The following GSG1 variants were observed in gnomAD, a reference collection of about 807,000 sequenced individuals.
GSG1 encodes germ cell-specific gene 1 protein.
In GSG1, 28 loss-of-function variants were observed where a neutral mutation model predicts 30.8. That is an observed-to-expected ratio of 0.91 (90% CI 0.67 to 1.25). GSG1 has a LOEUF of 1.25. Ranked by LOEUF, GSG1 falls within the 50% of genes most tolerant of loss-of-function variation. The pLI, the probability that GSG1 is intolerant of heterozygous loss-of-function variation, is 0.00. For missense variants in GSG1, 435 were observed against 444.7 expected, an observed-to-expected ratio of 0.98 and a Z score of 0.20; for synonymous variants, 162 against 178.0, an observed-to-expected ratio of 0.91 and a Z score of 0.71.
rs959845685 is a variant in GSG1 at position 13,101,779 on chromosome 12, G to A, written c.48+1686C>T. Reference sequence around the variant, plus strand: ...TCCCAGGCTCCCGTTCTAAGGGAAGGGGATGTCTGCGTCTCATTGGGAAGA... The same window carrying A: ...TCCCAGGCTCCCGTTCTAAGGGAAGAGGATGTCTGCGTCTCATTGGGAAGA... On this transcript the variant is annotated intron_variant, in intron 1 of 6. Transcript: ENST00000651961. The surrounding 1 kb of genome is among the most constrained non-coding windows in gnomAD (Gnocchi z 5.8). 6.6e-6 allele frequency among the ~76,000 whole-genome samples: 1 copy of A among 152,228 alleles called. No homozygotes were observed. Among genetic ancestry groups the A allele is most frequent in the Non-Finnish European group, 1.5e-5 (1 of 68,038 alleles).
chr12:13,099,944 G>A (rs1164388644), intron 1 of GSG1, among the ~76,000 whole-genome samples: 3 of 152,090 alleles, frequency 2.0e-5, no homozygotes, highest in Non-Finnish European at 2.9e-5. Flanking sequence ...GGCTATCGCC[G>A]GTCTGATGAC....
At position 13,088,049 on chromosome 12, in the gene GSG1, C is replaced by T; in HGVS notation, c.492G>A (p.Trp164Ter). Reference protein sequence around the residue: ...LTPPAKREILWLSLGTQITYI... With the variant: ...LTPPAKREIL ...AGGTGATCTGCGTTCCCAGGGATAA[C>T]CATAGGATTTCTGCCAGAAACCAGA... The change falls in exon 5 of 7, where the codon TGG becomes TGA. Residue 164 changes from tryptophan to a stop codon, truncating the protein, a stop_gained. Transcript: ENST00000651961. LOFTEE classifies it high-confidence loss of function. The T allele has an allele frequency of 2.5e-6, 4 of 1,614,158 alleles. No homozygotes were observed. Among genetic ancestry groups the T allele is most frequent in the East Asian group, 2.2e-5 (1 of 44,886 alleles).
At chr12:13,099,017 A>T (rs1160746014) in intron 1 of GSG1, among the ~76,000 whole-genome samples, 3 of 152,144 alleles carry the variant, frequency 2.0e-5, no homozygotes, top group African/African-American at 7.2e-5. Context: ...AAATTATATT[A>T]TTTTAGGCCT....
At chr12:13,099,750 G>GTTTTGTTTTTT (rs1863022060) in intron 1 of GSG1, among the ~76,000 whole-genome samples, 3 of 114,832 alleles carry the variant, frequency 2.6e-5, no homozygotes, top group Non-Finnish European at 5.4e-5. Flanking sequence ...GTTTTTTTTT[G>GTTTTGTTTTTT]TTTTTTTTTT....
At position 13,090,544 on chromosome 12, in the gene GSG1, C is replaced by T; in HGVS notation, c.323G>A (p.Ser108Asn). The change falls in exon 2 of 7, where the codon AGT becomes AAT. Residue 108 changes from serine to asparagine, a missense_variant. Coordinates refer to ENST00000651961, the MANE Select transcript of GSG1 (RefSeq NM_001080555.4). ...TTCCTCACAGGATAGCCACATGCCA[C>T]TCCGGAAGCTCCGGAAGGAGAACCG... Reference protein sequence around the residue: ...DDRFSFRSFRSGMWLSCEETV... With the variant: ...DDRFSFRSFRNGMWLSCEETV... 6.2e-7 allele frequency: 1 copy of T among 1,614,128 alleles called. No homozygotes were observed. The highest frequency in any genetic ancestry group is 1.1e-5 in the South Asian group (1 of 91,072).
chr12:13,086,793 C>T (rs1865565179), intron 6 of GSG1, among the ~76,000 whole-genome samples: 1 of 151,892 alleles, frequency 6.6e-6, no homozygotes, highest in East Asian at 1.9e-4. Flanking sequence ...TCTCTAATAC[C>T]TTGAATCATA....
chr12:13,095,912 G>A, intron 1 of GSG1: 2 of 759,436 alleles, frequency 2.6e-6, no homozygotes, highest in South Asian at 4.3e-5. Context: ...ATTTGCAGAG[G>A]AAATTTTCTT....
At chr12:13,096,367 G>C (rs946476311) in intron 1 of GSG1, among the ~76,000 whole-genome samples, 1 of 151,744 alleles carries the variant, frequency 6.6e-6, no homozygotes, top group African/African-American at 2.4e-5. Flanking sequence ...CCAGCTACTC[G>C]GGAGGCTGAG....
chr12:13,087,361 G>C, intron 5 of GSG1, 98 bp from the exon 6 acceptor site: 1 of 848,328 alleles, frequency 1.2e-6, no homozygotes, highest in South Asian at 1.4e-5. Flanking sequence ...GTCAGGCGCA[G>C]CCTCTGTTGG....
intron 1 of GSG1, among the ~76,000 whole-genome samples, chr12:13,096,192 T>G (rs1866643819): frequency 6.6e-6 from 1 of 152,054 alleles, no homozygotes; most frequent in South Asian, 2.1e-4. Flanking sequence ...TAAGTACTAT[T>G]GCCGGGCGTG....
intron 6 of GSG1, among the ~76,000 whole-genome samples, chr12:13,086,429 A>G (rs1353838361): frequency 6.6e-6 from 1 of 152,244 alleles, no homozygotes; most frequent in Non-Finnish European, 1.5e-5. Context: ...GTGTCTTTTC[A>G]GTGCTCTCAA....
chr12:13,086,831 C>A (rs1045975884), intron 6 of GSG1, among the ~76,000 whole-genome samples: 1 of 152,150 alleles, frequency 6.6e-6, no homozygotes. Flanking sequence ...GAGCACATTT[C>A]TATAAGGCCT....
rs1457378702 is a variant in GSG1, at chr12:13,095,575, G to A, written c.49-4757C>T. The A allele has an allele frequency of 2.5e-6, 4 of 1,609,180 alleles. No homozygotes were observed. In the South Asian group the frequency reaches 3.3e-5, roughly 13 times the overall value. The stretch of plus-strand genomic sequence containing the variant: ...AATAGCTGTAGACTGCATCCTTTGA[G>A]CAATAGGAGGGGAAGCCGGTTACCT... On this transcript the variant is annotated intron_variant, in intron 1 of 6. Transcript: ENST00000651961.
chr12:13,103,396 G>T, intron 1 of GSG1, 69 bp downstream of exon 1: 1 of 1,148,878 alleles, frequency 8.7e-7, no homozygotes. Context: ...AGTGTAACCT[G>T]TGTTACAAAT....
intron 2 of GSG1, among the ~76,000 whole-genome samples, chr12:13,089,636 C>G (rs1453022952): frequency 6.6e-6 from 1 of 152,192 alleles, no homozygotes; most frequent in East Asian, 1.9e-4. Flanking sequence ...TTCGGTTCCC[C>G]CACTTTTAAA....
chr12:13,084,957 C>T lies in GSG1; in HGVS notation c.1033G>A (p.Ala345Thr), dbSNP rs938265140. The T allele has an allele frequency of 2.0e-5, 31 of 1,551,742 alleles. No individual in the cohort carries two copies. The highest frequency in any genetic ancestry group is 2.5e-5 in the Non-Finnish European group (29 of 1,147,040). The change falls in exon 7 of 7, where the codon GCC (alanine) becomes ACC (threonine). Residue 345 changes from alanine (A) to threonine (T), a missense_variant. Transcript: ENST00000651961. ...ELRNKGFQRG[A>T]SQELKEAVRS... ...ACTGCTTCTTTCAGCTCCTGGCTGG[C>T]CCCTCTTTGAAATCCCTTGTTCCGC...
chr12:13,102,288 C>T (rs544971856), intron 1 of GSG1, among the ~76,000 whole-genome samples: 23 of 152,316 alleles, frequency 1.5e-4, no homozygotes, highest in Non-Finnish European at 2.9e-4. Flanking sequence ...GTACAGATTG[C>T]AGGCCAGATT....
intron 1 of GSG1, among the ~76,000 whole-genome samples, chr12:13,094,813 CTCAA>C (rs996862338): frequency 1.8e-4 from 28 of 152,312 alleles, no homozygotes; most frequent in Admixed American, 1.1e-3. Context: ...TAACCCCACA[CTCAA>C]TCCATTTCAA....
rs967988632 is a variant in GSG1, at chr12:13,083,887, G to A, written c.*1014C>T. On this transcript the variant is annotated 3_prime_UTR_variant, in exon 7 of 7. Transcript: ENST00000651961. ...ACTCATCCTTCTTTATGGCTGCATA[G>A]TATTCCATGGTGTATATGTGCCACA... The A allele has an allele frequency of 1.3e-5, 2 of 152,040 alleles. No homozygotes were observed. The highest frequency in any genetic ancestry group is 1.9e-4 in the East Asian group (1 of 5,192). 9.4% of individuals were successfully genotyped at this position (152,040 alleles called of 1,614,324 possible).
Sources: allele counts gnomAD v4.1 joint callset (sites outside exome capture counted in the v4.1 genomes callset), GRCh38; gene constraint gnomAD v4.1.1; non-coding constraint Gnocchi (gnomAD v3.1); transcripts MANE v1.5; gene names NCBI Gene and HGNC (gene_info 2026-07-23, HGNC 2026-07-21).